The following ALG9 variants were observed in gnomAD, a reference collection of about 807,000 sequenced individuals.
The protein encoded by ALG9 is alpha-1,2-mannosyltransferase ALG9.
In ALG9, 55 loss-of-function variants were observed where a neutral mutation model predicts 81.8. The ratio of observed to expected loss-of-function variants is 0.67; its 90% CI spans 0.54 to 0.84. ALG9 has a LOEUF of 0.84. Among genes scored for constraint, ALG9 ranks in the 40% least tolerant of loss-of-function variants. ALG9 has a pLI of 0.00. For missense variants in ALG9, 629 were observed against 745.0 expected, an observed-to-expected ratio of 0.84 and a Z score of 1.81; for synonymous variants, 278 against 274.3, an observed-to-expected ratio of 1.01 and a Z score of -0.13.
intron 13 of ALG9, among the ~76,000 whole-genome samples, chr11:111,825,064 T>C (rs1159261192): frequency 2.6e-5 from 4 of 152,178 alleles, no homozygotes; most frequent in African/African-American, 9.7e-5. Flanking sequence ...AGGAGAAAGC[T>C]AGACATGATC....
At chr11:111,775,720 A>C in the ALG9 span, among the ~76,000 whole-genome samples, 47 of 152,256 alleles carry the variant, frequency 3.1e-4, no homozygotes, top group African/African-American at 1.1e-3. Flanking sequence ...AAATAAATAA[A>C]TAACTTATTT....
At chr11:111,814,287 T>G (rs1951158825) in intron 13 of ALG9, among the ~76,000 whole-genome samples, 1 of 152,132 alleles carries the variant, frequency 6.6e-6, no homozygotes, top group South Asian at 2.1e-4. Flanking sequence ...TCAGGCAAAA[T>G]GAACCTAAGT....
chr11:111,803,541 ACT>A (rs1949466804), intron 14 of ALG9, among the ~76,000 whole-genome samples: 1 of 151,496 alleles, frequency 6.6e-6, no homozygotes, highest in Non-Finnish European at 1.5e-5. Flanking sequence ...GGGGATTGAC[ACT>A]ACCAAACTGC....
At chr11:111,771,835 A>T in the ALG9 span, among the ~76,000 whole-genome samples, 1 of 152,182 alleles carries the variant, frequency 6.6e-6, no homozygotes, top group Non-Finnish European at 1.5e-5. Flanking sequence ...GTGGAACTCA[A>T]ATATTTTCCC....
intron 14 of ALG9, among the ~76,000 whole-genome samples, chr11:111,803,750 A>C (rs1246774136): frequency 6.6e-6 from 1 of 152,176 alleles, no homozygotes; most frequent in Admixed American, 6.5e-5. Flanking sequence ...ACAACCATGC[A>C]TCCTCATGCA....
At chr11:111,839,754 C>A (rs782632656) in intron 10 of ALG9, among the ~76,000 whole-genome samples, 1 of 152,052 alleles carries the variant, frequency 6.6e-6, no homozygotes, top group African/African-American at 2.4e-5. Flanking sequence ...CAATAAAGTT[C>A]AATTACTTTT....
intron 14 of ALG9, among the ~76,000 whole-genome samples, chr11:111,807,645 A>G (rs1220551067): frequency 6.6e-6 from 1 of 152,210 alleles, no homozygotes; most frequent in African/African-American, 2.4e-5. Context: ...TATTCACTAT[A>G]TGTCCAAATC....
In ALG9 at chr11:111,782,376, C is replaced by T. The variant is rs1946012629; in HGVS notation, c.*4021G>A. 1 of 152,608 alleles carries T rather than the reference C, an allele frequency of 6.6e-6. No individual in the cohort carries two copies. Among genetic ancestry groups the T allele is most frequent in the Non-Finnish European group, 1.5e-5 (1 of 68,040 alleles). 9.5% of individuals were successfully genotyped at this position (152,608 alleles called of 1,614,324 possible). A position where few individuals can be genotyped will look rare whatever the true frequency, so the allele number is the denominator to read the frequency against. ...AGCATGAATCACCTGGTTATACAGA[C>T]TGGCAGAAGGCAACATTCAGATTTA... On this transcript the variant is annotated 3_prime_UTR_variant, in exon 15 of 15. Coordinates refer to ENST00000616540, the MANE Select transcript of ALG9 (RefSeq NM_024740.2).
chr11:111,844,844 A>G (rs1016839766), intron 8 of ALG9, 121 bp from the exon 9 acceptor site: 1 of 1,110,126 alleles, frequency 9.0e-7, no homozygotes, highest in Non-Finnish European at 1.4e-6. Flanking sequence ...TGGGAATGAG[A>G]GTGCACAGCC....
rs1946177354 is a variant in ALG9 at position 111,783,853 on chromosome 11, T to C, written c.*2544A>G. ...AGGTTTTAAAAGTGATAGGAACTGA[T>C]ATTTCCAAGGAATCCCTGCATCAGT... On this transcript the variant is annotated 3_prime_UTR_variant, in exon 15 of 15. Transcript: ENST00000616540. 1 of 151,742 alleles carries C rather than the reference T, an allele frequency of 6.6e-6. No homozygotes were observed. Among genetic ancestry groups the C allele is most frequent in the Non-Finnish European group, 1.5e-5 (1 of 68,000 alleles). The allele number at this position is 151,742 out of a possible 1,614,324, so 9.4% of individuals were successfully genotyped here. A position where few individuals can be genotyped will look rare whatever the true frequency, so the allele number is the denominator to read the frequency against.
At position 111,853,702 on chromosome 11, in the gene ALG9, G is replaced by A; in HGVS notation, c.736C>T (p.His246Tyr). Residue 246 changes from histidine to tyrosine, a missense_variant, in exon 7 of 15, where the codon CAC becomes TAC. This residue lies in a region of ALG9 where 344 missense variants were observed against 390.5 expected (regional missense o/e 0.88). Coordinates refer to ENST00000616540, the MANE Select transcript of ALG9 (RefSeq NM_024740.2). Reference sequence around the variant, plus strand: ...CAATGAAAGAAACTCTTCCACCTGTGTTTCATGACCAGCAAATCAAAGGCA... The same window carrying A: ...CAATGAAAGAAACTCTTCCACCTGTATTTCATGACCAGCAAATCAAAGGCA... ...PIAFDLLVMK[H>Y]RWKSFFHWSL... 6.2e-7 allele frequency: 1 copy of A among 1,614,124 alleles called. No homozygotes were observed. The highest frequency in any genetic ancestry group is 8.5e-7 in the Non-Finnish European group (1 of 1,180,006).
At position 111,844,724 on chromosome 11, in the gene ALG9, C is replaced by T; in HGVS notation, c.896-1G>A. The stretch of plus-strand genomic sequence containing the variant: ...AAATAGAAATACCAGGGTTCTGTAC[C>T]TGAGGGAGACATAAAGGTAAGAAAT... On this transcript the variant is annotated splice_acceptor_variant, in intron 8 of 14. Coordinates refer to ENST00000616540, the MANE Select transcript of ALG9 (RefSeq NM_024740.2). LOFTEE classifies it high-confidence loss of function. The T allele has an allele frequency of 1.9e-6, 3 of 1,613,570 alleles. No individual in the cohort carries two copies. Among genetic ancestry groups the T allele is most frequent in the Non-Finnish European group, 2.5e-6 (3 of 1,179,648 alleles).
chr11:111,853,699 T>C lies in ALG9; in HGVS notation c.739A>G (p.Arg247Gly). ...IAFDLLVMKHRWKSFFHWSLM... is the reference protein window; with the variant it reads ...IAFDLLVMKHGWKSFFHWSLM... ...GACCAATGAAAGAAACTCTTCCACCTGTGTTTCATGACCAGCAAATCAAAG... is the reference window on the plus strand; with the variant it reads ...GACCAATGAAAGAAACTCTTCCACCCGTGTTTCATGACCAGCAAATCAAAG... Residue 247 changes from arginine (R) to glycine (G), a missense_variant, in exon 7 of 15, where the codon AGG (arginine) becomes GGG (glycine). By Grantham distance (125) the Arg-to-Gly change is moderately radical. This residue lies in a region of ALG9 where 344 missense variants were observed against 390.5 expected (regional missense o/e 0.88). Transcript: ENST00000616540. 1 of 1,614,160 alleles carries C rather than the reference T, an allele frequency of 6.2e-7. No individual in the cohort carries two copies. Among genetic ancestry groups the C allele is most frequent in the South Asian group, 1.1e-5 (1 of 91,090 alleles).
At chr11:111,794,147 C>T (rs949550613) in intron 14 of ALG9, among the ~76,000 whole-genome samples, 3 of 152,198 alleles carry the variant, frequency 2.0e-5, no homozygotes, top group Admixed American at 1.3e-4. Context: ...GAGCATTCGG[C>T]GGTGGAGATT....
intron 11 of ALG9, 67 bp downstream of exon 11, chr11:111,838,182 T>C: frequency 6.3e-7 from 1 of 1,585,782 alleles, no homozygotes; most frequent in Non-Finnish European, 8.7e-7. Context: ...TATATAATCA[T>C]GAATCAAGTA....
chr11:111,850,225 A>G (rs181228123), intron 8 of ALG9, among the ~76,000 whole-genome samples: 11 of 152,188 alleles, frequency 7.2e-5, no homozygotes, highest in Non-Finnish European at 1.5e-4. Context: ...AACTAAAGTG[A>G]TTCTATGATA....
At chr11:111,811,761 T>C (rs1027431698) in intron 13 of ALG9, among the ~76,000 whole-genome samples, 6 of 152,120 alleles carry the variant, frequency 3.9e-5, no homozygotes, top group Admixed American at 6.6e-5. Context: ...GCCACATATA[T>C]ACGATTCCAT....
At chr11:111,848,719 T>C (rs1394311964) in intron 8 of ALG9, among the ~76,000 whole-genome samples, 1 of 152,100 alleles carries the variant, frequency 6.6e-6, no homozygotes, top group Non-Finnish European at 1.5e-5. Context: ...ATCCAACCAA[T>C]GCTGTAAAAA....
intron 1 of ALG9, 52 bp downstream of exon 1, chr11:111,871,299 AG>A: frequency 7.3e-7 from 1 of 1,371,054 alleles, no homozygotes; most frequent in Non-Finnish European, 9.3e-7. Flanking sequence ...TCCCGGGGGC[AG>A]CCCCGAACCG....
Sources: allele counts gnomAD v4.1 joint callset (sites outside exome capture counted in the v4.1 genomes callset), GRCh38; gene constraint gnomAD v4.1.1; regional missense constraint gnomAD v4.1.1; transcripts MANE v1.5; gene names NCBI Gene and HGNC (gene_info 2026-07-23, HGNC 2026-07-21).